PDS5B: variants seen among roughly 807,000 people sequenced by gnomAD.
PDS5B encodes the protein sister chromatid cohesion protein PDS5 homolog B.
In PDS5B, 51 loss-of-function variants were observed where a neutral mutation model predicts 184.1. The observed-to-expected ratio is 0.28, with a 90% CI of 0.22 to 0.35. The LOEUF is 0.35. PDS5B is among the 10% of genes least tolerant of loss of function. PDS5B has a pLI of 1.00. For missense variants in PDS5B, 1,180 were observed against 1,723.3 expected, an observed-to-expected ratio of 0.68 and a Z score of 5.58; for synonymous variants, 566 against 569.2, an observed-to-expected ratio of 0.99 and a Z score of 0.08.
At chr13:32,699,164 C>T (rs1207467706) in intron 15 of PDS5B, among the ~76,000 whole-genome samples, 2 of 152,138 alleles carry the variant, frequency 1.3e-5, no homozygotes, top group African/African-American at 4.8e-5. Context: ...GACACATTAG[C>T]AGAATAGTAT....
intron 22 of PDS5B, among the ~76,000 whole-genome samples, chr13:32,741,488 C>T (rs955159247): frequency 6.6e-6 from 1 of 152,004 alleles, no homozygotes; most frequent in African/African-American, 2.4e-5. Flanking sequence ...TTTAATAAAA[C>T]TTTTTATTTT....
rs773402726 is a variant in PDS5B at position 32,770,466 on chromosome 13, C to T, written c.3970C>T (p.Pro1324Ser). 2 of 1,612,302 alleles carry T rather than the reference C, an allele frequency of 1.2e-6. No individual in the cohort carries two copies. Among genetic ancestry groups the T allele is most frequent in the Non-Finnish European group, 1.7e-6 (2 of 1,179,698 alleles). The part of the protein sequence containing the change: ...GSKKKSGPPA[P>S]EEEEEEERQS... ...CAAAAAAAAATCTGGACCTCCAGCA[C>T]CAGAGGAGGAGGAAGAAGAAGAAAG... is the stretch of plus-strand genomic sequence containing the variant. Residue 1324 changes from proline (P) to serine (S), a missense_variant, in exon 32 of 35, where the codon CCA (proline) becomes TCA (serine). Physicochemically the swap from Pro to Ser is moderately conservative, Grantham distance 74. Around this residue, in one of 11 missense-constraint regions of PDS5B, gnomAD observed 465 missense variants for 497.8 expected, o/e 0.93. Transcript: ENST00000315596.
At chr13:32,768,541 C>G (rs541627481) in intron 31 of PDS5B, among the ~76,000 whole-genome samples, 145 of 152,110 alleles carry the variant, frequency 9.5e-4, no homozygotes, top group African/African-American at 3.4e-3. Context: ...ACCTGTAATC[C>G]CAGCACTTTG....
At chr13:32,652,119 T>A (rs1950379786) in intron 3 of PDS5B, 112 bp downstream of exon 3, 1 of 737,898 alleles carries the variant, frequency 1.4e-6, no homozygotes, top group Non-Finnish European at 2.3e-6. Context: ...TGACATTAGC[T>A]ACAGTAATCT....
At position 32,775,932 on chromosome 13, in the gene PDS5B, G is replaced by T. The variant is rs1272389934; in HGVS notation, c.*880G>T. On this transcript the variant is annotated 3_prime_UTR_variant, in exon 35 of 35. Transcript: ENST00000315596. ...GTTTTTAATAGTCTAGAATGTTATT[G>T]TGTATAGATATTTCCTCTTGAACGT... 2.1e-5 allele frequency: 5 copies of T among 239,520 alleles called. No individual in the cohort carries two copies. The East Asian group carries it at 5.8e-4, about 28-fold the overall frequency. 14.8% of individuals were successfully genotyped at this position (239,520 alleles called of 1,614,324 possible).
intron 29 of PDS5B, 70 bp from the exon 30 acceptor site, chr13:32,760,505 T>C (rs2141014761): frequency 7.0e-7 from 1 of 1,426,386 alleles, no homozygotes; most frequent in East Asian, 2.3e-5. Flanking sequence ...AGATGTTATT[T>C]ATGGTTCTTT....
Position 32,694,323 on chromosome 13 carries a change from CT to C in PDS5B, c.1551+21del. On this transcript the variant is annotated intron_variant, in intron 14 of 34. Coordinates refer to ENST00000315596, the MANE Select transcript of PDS5B (RefSeq NM_015032.4). Reference sequence around the variant, plus strand: ...ACCCAAAGTAAGTAAGAATTTTTTCCTTCAATGTTTTTTAAAACACATGTAT... The same window carrying C: ...ACCCAAAGTAAGTAAGAATTTTTTCCTCAATGTTTTTTAAAACACATGTAT... The C allele has an allele frequency of 6.7e-7, 1 of 1,492,348 alleles. No individual in the cohort carries two copies. The highest frequency in any genetic ancestry group is 9.2e-7 in the Non-Finnish European group (1 of 1,081,222). The allele number at this position is 1,492,348 out of a possible 1,614,324, so 92.4% of individuals were successfully genotyped here.
At position 32,620,094 on chromosome 13, in the gene PDS5B, C is replaced by T. The variant is rs548705323; in HGVS notation, c.-19-28660C>T. Among the ~76,000 whole-genome samples the T allele has an allele frequency of 3.1e-4, 47 of 152,142 alleles. 1 individual carries two copies. The highest frequency in any genetic ancestry group is 1.4e-3 in the East Asian group (7 of 5,158). On this transcript the variant is annotated intron_variant, in intron 1 of 34. Coordinates refer to ENST00000315596, the MANE Select transcript of PDS5B (RefSeq NM_015032.4). Reference sequence around the variant, plus strand: ...GATTACAGTCATGAGCCAATGCACCCGGCCCTGGTTAGATTTTTAAAATGT... The same window carrying T: ...GATTACAGTCATGAGCCAATGCACCTGGCCCTGGTTAGATTTTTAAAATGT...
At chr13:32,714,160 A>G (rs999128459) in intron 19 of PDS5B, among the ~76,000 whole-genome samples, 1 of 152,234 alleles carries the variant, frequency 6.6e-6, no homozygotes, top group Non-Finnish European at 1.5e-5. Flanking sequence ...GAATATCACA[A>G]GGCAAGTGGA....
At chr13:32,694,330 G>A (rs1351306270) in intron 14 of PDS5B, 26 bp downstream of exon 14, 4 of 1,412,582 alleles carry the variant, frequency 2.8e-6, no homozygotes, top group Non-Finnish European at 4.0e-6. Context: ...TTCCTTCAAT[G>A]TTTTTTAAAA....
chr13:32,744,372 T>C (rs1778776434), intron 23 of PDS5B, among the ~76,000 whole-genome samples: 1 of 152,184 alleles, frequency 6.6e-6, no homozygotes, highest in African/African-American at 2.4e-5. Flanking sequence ...TTTTTTCTGG[T>C]AGAGACATAA....
In PDS5B at chr13:32,770,545, G is replaced by A. The variant is rs1395761266; in HGVS notation, c.4049G>A (p.Arg1350Lys). 2 of 1,607,796 alleles carry A rather than the reference G, an allele frequency of 1.2e-6. No individual in the cohort carries two copies. Among genetic ancestry groups the A allele is most frequent in the Non-Finnish European group, 1.7e-6 (2 of 1,178,442 alleles). ...KSKSKQHRVS[R>K]RAQQRAESPE... is the part of the protein sequence containing the mutation. ...AAAAGCAAACAGCACCGAGTGTCAA[G>A]GAGAGCACAGCAGAGGTAAGCATGT... Residue 1350 changes from arginine to lysine, a missense_variant, in exon 32 of 35, where the codon AGG (arginine) becomes AAG (lysine). By Grantham distance (26) the Arg-to-Lys change is conservative (BLOSUM62 2). Coordinates refer to ENST00000315596, the MANE Select transcript of PDS5B (RefSeq NM_015032.4).
intron 3 of PDS5B, 60 bp downstream of exon 3, chr13:32,652,067 A>G: frequency 2.7e-6 from 3 of 1,129,786 alleles, no homozygotes; most frequent in Non-Finnish European, 4.1e-6. Flanking sequence ...CTTTCTAACT[A>G]AAATGGGAGT....
At chr13:32,737,480 C>A (rs901256295) in intron 21 of PDS5B, among the ~76,000 whole-genome samples, 19 of 152,082 alleles carry the variant, frequency 1.2e-4, no homozygotes, top group African/African-American at 3.9e-4. Context: ...AATCATTAAT[C>A]GTCTGTGTGA....
chr13:32,716,178 C>T lies in PDS5B; in HGVS notation c.2123+6072C>T, dbSNP rs1566363831. 8.2e-3 allele frequency among the ~76,000 whole-genome samples: 17 copies of T among 2,078 alleles called. No individual in the cohort carries two copies. In the South Asian group the frequency reaches 0.22, roughly 27 times the overall value. The allele number at this position is 2,078 out of a possible 152,430, so 1.4% of individuals were successfully genotyped here. ...GCTGCCCAGTCTGGATAGTGAGGAG[C>T]GTCTCTGCCCGGCGTGCCATCCCAT... On this transcript the variant is annotated intron_variant, in intron 19 of 34. Transcript: ENST00000315596.
intron 18 of PDS5B, among the ~76,000 whole-genome samples, chr13:32,708,994 G>A (rs4942829): frequency 0.38 from 58,135 of 151,642 alleles, 11,593 homozygotes; most frequent in Non-Finnish European, 0.44. Flanking sequence ...TTTCTTGCCT[G>A]CTTACATCCC....
chr13:32,745,137 G>T (rs1290901165), intron 23 of PDS5B, among the ~76,000 whole-genome samples: 1 of 137,988 alleles, frequency 7.2e-6, no homozygotes, highest in East Asian at 2.1e-4. Flanking sequence ...GAGCCTCTTG[G>T]TAATATTTGA....
intron 1 of PDS5B, among the ~76,000 whole-genome samples, chr13:32,589,278 C>CT (rs1170675671): frequency 1.3e-5 from 2 of 152,050 alleles, no homozygotes; most frequent in Admixed American, 6.5e-5. Context: ...TCCCCATTGT[C>CT]TTTTTTTGTT....
chr13:32,725,556 T>C (rs1386118705), intron 19 of PDS5B, among the ~76,000 whole-genome samples: 3 of 152,218 alleles, frequency 2.0e-5, no homozygotes, highest in Non-Finnish European at 4.4e-5. Context: ...ATGAGTCCTG[T>C]GGGTACTAAT....
Sources: gnomAD v4.1 joint callset for allele counts (sites outside exome capture counted in the v4.1 genomes callset) on GRCh38, gnomAD v4.1.1 for gene constraint, gnomAD v4.1.1 regional missense constraint, MANE v1.5 for transcripts, NCBI Gene and HGNC (gene_info 2026-07-23, HGNC 2026-07-21) for gene names.